TMEM170B: variants seen among roughly 807,000 people sequenced by gnomAD.
TMEM170B encodes the protein transmembrane protein 170B.
A neutral mutation model predicts 13.0 loss-of-function variants in TMEM170B; 6 were observed. That is an observed-to-expected ratio of 0.46 (90% CI 0.25 to 0.91). TMEM170B has a LOEUF of 0.91. Ranked by LOEUF, TMEM170B falls within the 40% of genes least tolerant of loss-of-function variation. The probability of loss-of-function intolerance (pLI) is 0.17; values close to 1 mark genes in which losing one functional copy is unlikely to be tolerated. For missense variants in TMEM170B, 138 were observed against 165.2 expected (o/e 0.84, Z 0.90); for synonymous variants, 61 against 64.9 (o/e 0.94, Z 0.29).
intron 1 of TMEM170B, among the ~76,000 whole-genome samples, chr6:11,564,507 G>A (rs964390763): frequency 6.6e-6 from 1 of 152,204 alleles, no homozygotes; most frequent in Admixed American, 6.5e-5. Flanking sequence ...TAGAATGTTT[G>A]CATATCAAGG....
chr6:11,563,210 C>G (rs984214582), intron 1 of TMEM170B, among the ~76,000 whole-genome samples: 1 of 152,188 alleles, frequency 6.6e-6, no homozygotes, highest in East Asian at 1.9e-4. Flanking sequence ...GTGACGGGCA[C>G]CTGTAATCCC....
chr6:11,565,929 A>T, intron 2 of TMEM170B, 93 bp downstream of exon 2: 1 of 1,176,354 alleles, frequency 8.5e-7, no homozygotes, highest in Non-Finnish European at 1.3e-6. Context: ...CATTAGTGAG[A>T]TCTTTTATGT....
At chr6:11,573,856 G>C (rs1031724608) in intron 2 of TMEM170B, among the ~76,000 whole-genome samples, 1 of 152,132 alleles carries the variant, frequency 6.6e-6, no homozygotes, top group African/African-American at 2.4e-5. Flanking sequence ...TAACAAAGGT[G>C]TAGGATACTT....
chr6:11,541,992 C>T (rs1759367168), intron 1 of TMEM170B, among the ~76,000 whole-genome samples: 1 of 144,742 alleles, frequency 6.9e-6, no homozygotes, highest in African/African-American at 2.5e-5. Flanking sequence ...TCACAGATCA[C>T]TATAATAATA....
At position 11,581,109 on chromosome 6, in the gene TMEM170B, A is replaced by C. The variant is rs1759950784; in HGVS notation, c.*5548A>C. ...AGATAATACTTTTAAATTAGTGGAA[A>C]CACATTTCTGAGTGAACTGAGCTAT... On this transcript the variant is annotated 3_prime_UTR_variant, in exon 3 of 3. Coordinates refer to ENST00000379426, the MANE Select transcript of TMEM170B (RefSeq NM_001100829.3). 6.6e-6 allele frequency: 1 copy of C among 152,238 alleles called. No individual in the cohort carries two copies. Among genetic ancestry groups the C allele is most frequent in the South Asian group, 2.1e-4 (1 of 4,830 alleles). The allele number at this position is 152,238 out of a possible 1,614,324, so 9.4% of individuals were successfully genotyped here.
chr6:11,557,668 A>G (rs746785616), intron 1 of TMEM170B, among the ~76,000 whole-genome samples: 44 of 152,210 alleles, frequency 2.9e-4, no homozygotes, highest in Non-Finnish European at 5.6e-4. Context: ...ACAGTATGGT[A>G]GATGGACTAA....
chr6:11,565,791 GT>G lies in TMEM170B; in HGVS notation c.224del (p.Val75AlafsTer9). 6.2e-7 allele frequency: 1 copy of G among 1,614,168 alleles called. No homozygotes were observed. The highest frequency in any genetic ancestry group is 1.1e-5 in the South Asian group (1 of 91,086). On this transcript the variant is annotated frameshift_variant, in exon 2 of 3. Coordinates refer to ENST00000379426, the MANE Select transcript of TMEM170B (RefSeq NM_001100829.3). LOFTEE classifies it high-confidence loss of function. ...GGGAAGAGTCATCTCTGTCATTGCA[GT>G]CAGCATTGGATTTCTGGCTTCTGTA... ...RQGRVISVIA[V>X]SIGFLASVTG...
chr6:11,545,868 C>T (rs1032097739), intron 1 of TMEM170B, among the ~76,000 whole-genome samples: 14 of 151,618 alleles, frequency 9.2e-5, no homozygotes, highest in African/African-American at 1.7e-4. Context: ...AAAAATTAGC[C>T]GGGCGTGGTG....
rs1229398547 is a variant in TMEM170B, at chr6:11,581,657, C to T, written c.*6096C>T. 1 of 152,150 alleles carries T rather than the reference C, an allele frequency of 6.6e-6. No individual in the cohort carries two copies. The highest frequency in any genetic ancestry group is 2.4e-5 in the African/African-American group (1 of 41,434). 9.4% of individuals were successfully genotyped at this position (152,150 alleles called of 1,614,324 possible). A position where few individuals can be genotyped will look rare whatever the true frequency, so the allele number is the denominator to read the frequency against. ...TTATAAATTGGTAGTTCCTAAAAAT[C>T]ACCACTTTAAAAATTTTATTCTGTC... On this transcript the variant is annotated 3_prime_UTR_variant, in exon 3 of 3. Transcript: ENST00000379426.
chr6:11,550,969 C>G (rs1254434385), intron 1 of TMEM170B, among the ~76,000 whole-genome samples: 1 of 152,142 alleles, frequency 6.6e-6, no homozygotes, highest in East Asian at 1.9e-4. Flanking sequence ...TGACATTACC[C>G]CCAAATTTAG....
intron 1 of TMEM170B, among the ~76,000 whole-genome samples, chr6:11,563,969 TA>T (rs201959507): frequency 1.3e-5 from 2 of 151,258 alleles, no homozygotes; most frequent in Admixed American, 6.6e-5. Flanking sequence ...GACTCTGCCT[TA>T]AAAAAAAACA....
chr6:11,556,673 C>T (rs1314675043), intron 1 of TMEM170B, among the ~76,000 whole-genome samples: 1 of 152,104 alleles, frequency 6.6e-6, no homozygotes, highest in Non-Finnish European at 1.5e-5. Flanking sequence ...CTTCCATCGG[C>T]AGTAACAGAC....
In TMEM170B at chr6:11,583,444, G is replaced by A. The variant is rs1416521475; in HGVS notation, c.*7883G>A. On this transcript the variant is annotated 3_prime_UTR_variant, in exon 3 of 3. Coordinates refer to ENST00000379426, the MANE Select transcript of TMEM170B (RefSeq NM_001100829.3). ...ACAGAATTTATTGGATTAAAAATTT[G>A]TAATATACAGTATTTTAATAAAGTT... 6.6e-6 allele frequency: 1 copy of A among 152,072 alleles called. No homozygotes were observed. The highest frequency in any genetic ancestry group is 2.4e-5 in the African/African-American group (1 of 41,394). 9.4% of individuals were successfully genotyped at this position (152,072 alleles called of 1,614,324 possible).
chr6:11,542,766 C>T (rs1561906110), intron 1 of TMEM170B, among the ~76,000 whole-genome samples: 9 of 152,164 alleles, frequency 5.9e-5, no homozygotes, highest in Admixed American at 5.9e-4. Context: ...CAGATGCTGC[C>T]TACAGTGCCA....
intron 1 of TMEM170B, among the ~76,000 whole-genome samples, chr6:11,540,624 C>T (rs1025900175): frequency 6.6e-6 from 1 of 152,186 alleles, no homozygotes; most frequent in Non-Finnish European, 1.5e-5. Context: ...GGAATGGAGT[C>T]AATTGCTTTC....
At chr6:11,565,031 C>T (rs928611960) in intron 1 of TMEM170B, among the ~76,000 whole-genome samples, 1 of 152,082 alleles carries the variant, frequency 6.6e-6, no homozygotes, top group Non-Finnish European at 1.5e-5. Context: ...GTGTGCTTGT[C>T]CACTGTCTCT....
Position 11,538,163 on chromosome 6 carries a change from T to C in TMEM170B, c.-115T>C. ...GCGCCCGGCCCGGCGTCCCGCAGCC[T>C]CCACCAGCGGCGGCGGCCTGGAGGA... On this transcript the variant is annotated 5_prime_UTR_variant, in exon 1 of 3. Transcript: ENST00000379426. The C allele has an allele frequency of 4.0e-6, 1 of 247,866 alleles. No individual in the cohort carries two copies. Among genetic ancestry groups the C allele is most frequent in the Non-Finnish European group, 6.7e-6 (1 of 148,996 alleles). The allele number at this position is 247,866 out of a possible 1,614,324, so 15.4% of individuals were successfully genotyped here.
chr6:11,574,250 T>C (rs1759844420), intron 2 of TMEM170B, among the ~76,000 whole-genome samples: 1 of 152,160 alleles, frequency 6.6e-6, no homozygotes. Flanking sequence ...ACATAGTATA[T>C]GGTAAGTACA....
At chr6:11,564,149 GAGTT>G (rs201118886) in intron 1 of TMEM170B, among the ~76,000 whole-genome samples, 1,651 of 152,270 alleles carry the variant, frequency 0.011, 39 homozygotes, top group African/African-American at 0.036. Flanking sequence ...AGGGACTCTT[GAGTT>G]GCTATCACCT....
Sources: allele counts gnomAD v4.1 joint callset (sites outside exome capture counted in the v4.1 genomes callset), GRCh38; gene constraint gnomAD v4.1.1; transcripts MANE v1.5; gene names NCBI Gene and HGNC (gene_info 2026-07-23, HGNC 2026-07-21).